The following SLC10A1 variants were observed in gnomAD, a reference collection of about 807,000 sequenced individuals.
SLC10A1 encodes hepatic sodium/bile acid cotransporter.
Under a neutral mutation model 20.5 loss-of-function variants are expected in SLC10A1, and 36 were observed. The ratio of observed to expected loss-of-function variants is 1.75; its 90% CI spans 1.34 to 2.32. The LOEUF (loss-of-function observed/expected upper bound fraction) is 2.32, where lower values mean the gene tolerates loss of function less well. Among genes scored for constraint, SLC10A1 ranks in the 30% most tolerant of loss-of-function variants. The pLI, the probability that SLC10A1 is intolerant of heterozygous loss-of-function variation, is 0.00. For missense variants in SLC10A1, 545 were observed against 439.1 expected (o/e 1.24, Z -2.16); for synonymous variants, 188 against 163.6 (o/e 1.15, Z -1.14).
At position 69,778,539 on chromosome 14, in the gene SLC10A1, T is replaced by G. The variant is rs200498007; in HGVS notation, c.747-10A>C. On this transcript the variant is annotated splice_polypyrimidine_tract_variant and intron_variant, in intron 3 of 4. Transcript: ENST00000216540. ...GACAGTGCGTCTGCACCTGTGCCGGTGAAGAAAACCCCACATACACTCAGA... is the reference window on the plus strand; with the variant it reads ...GACAGTGCGTCTGCACCTGTGCCGGGGAAGAAAACCCCACATACACTCAGA... 18 of 1,583,816 alleles carry G rather than the reference T, an allele frequency of 1.1e-5. No individual in the cohort carries two copies. The highest frequency in any genetic ancestry group is 1.5e-5 in the Non-Finnish European group (18 of 1,167,754).
chr14:69,796,631 C>A (rs751207955), intron 1 of SLC10A1, among the ~76,000 whole-genome samples, 169 bp downstream of exon 1: 2 of 152,228 alleles, frequency 1.3e-5, no homozygotes, highest in South Asian at 4.1e-4. Flanking sequence ...ACTCCTGCCC[C>A]CATCCCAGCA....
At position 69,776,164 on chromosome 14, in the gene SLC10A1, T is replaced by C; in HGVS notation, c.*118A>G. 1 of 726,394 alleles carries C rather than the reference T, an allele frequency of 1.4e-6. No homozygotes were observed. Among genetic ancestry groups the C allele is most frequent in the East Asian group, 2.5e-5 (1 of 39,882 alleles). 45.0% of individuals were successfully genotyped at this position (726,394 alleles called of 1,614,324 possible). A position where few individuals can be genotyped will look rare whatever the true frequency, so the allele number is the denominator to read the frequency against. On this transcript the variant is annotated 3_prime_UTR_variant, in exon 5 of 5. Coordinates refer to ENST00000216540, the MANE Select transcript of SLC10A1 (RefSeq NM_003049.4). ...CAAGACTTGATGATTCTGATAGATG[T>C]ACTGGAAATGCTGGAGAAAGACTCA...
intron 1 of SLC10A1, among the ~76,000 whole-genome samples, chr14:69,795,149 C>A (rs565338045): frequency 2.4e-4 from 37 of 152,304 alleles, no homozygotes; most frequent in African/African-American, 7.7e-4. Flanking sequence ...AAGCCAGATC[C>A]AAGACCAAGG....
rs1243613781 is a variant in SLC10A1 at position 69,776,215 on chromosome 14, T to G, written c.*67A>C. On this transcript the variant is annotated 3_prime_UTR_variant, in exon 5 of 5. Coordinates refer to ENST00000216540, the MANE Select transcript of SLC10A1 (RefSeq NM_003049.4). Reference sequence around the variant, plus strand: ...GGCAAGACTGGTGTTTTTGCTGCTCTCTCTAGTTTACCACACTGGCTTTCA... The same window carrying G: ...GGCAAGACTGGTGTTTTTGCTGCTCGCTCTAGTTTACCACACTGGCTTTCA... The G allele has an allele frequency of 1.2e-5, 14 of 1,145,686 alleles. No homozygotes were observed. The highest frequency in any genetic ancestry group is 1.9e-5 in the Admixed American group (1 of 51,490). The allele number at this position is 1,145,686 out of a possible 1,614,324, so 71.0% of individuals were successfully genotyped here. A position where few individuals can be genotyped will look rare whatever the true frequency, so the allele number is the denominator to read the frequency against.
intron 1 of SLC10A1, among the ~76,000 whole-genome samples, chr14:69,793,059 A>G (rs923644122): frequency 9.9e-5 from 15 of 152,198 alleles, no homozygotes; most frequent in African/African-American, 3.6e-4. Flanking sequence ...GGGGGTTTCA[A>G]TGCTACTGTT....
At chr14:69,779,985 A>G (rs1438296223) in intron 2 of SLC10A1, among the ~76,000 whole-genome samples, 1 of 152,230 alleles carries the variant, frequency 6.6e-6, no homozygotes, top group Non-Finnish European at 1.5e-5. Context: ...TTTAGGATCA[A>G]TTCTGGAAAT....
intron 1 of SLC10A1, among the ~76,000 whole-genome samples, chr14:69,790,430 CAAAAAT>C (rs1176775824): frequency 2.0e-5 from 3 of 151,550 alleles, no homozygotes; most frequent in African/African-American, 7.3e-5. Context: ...AACATAGAAA[CAAAAAT>C]AATAAAATAT....
chr14:69,788,583 C>T (rs989165760), intron 1 of SLC10A1, among the ~76,000 whole-genome samples: 5 of 148,744 alleles, frequency 3.4e-5, no homozygotes, highest in African/African-American at 1.2e-4. Flanking sequence ...CTTGCTCTGT[C>T]GCCCAGGCTG....
chr14:69,783,445 G>A (rs1883643738), intron 2 of SLC10A1, among the ~76,000 whole-genome samples: 1 of 152,194 alleles, frequency 6.6e-6, no homozygotes, highest in South Asian at 2.1e-4. Flanking sequence ...AAGGCTTCCT[G>A]GGGGAGGCGC....
At chr14:69,785,688 C>G (rs188577301) in intron 2 of SLC10A1, among the ~76,000 whole-genome samples, 9 of 151,602 alleles carry the variant, frequency 5.9e-5, no homozygotes, top group Admixed American at 5.9e-4. Context: ...CCCCTGCCCT[C>G]CCTGGTTCAA....
rs202007233 is a variant in SLC10A1 at position 69,786,152 on chromosome 14, G to A, written c.512C>T (p.Thr171Ile). Residue 171 changes from threonine (T) to isoleucine (I), a missense_variant, in exon 2 of 5, where the codon ACC (threonine) becomes ATC (isoleucine). Transcript: ENST00000216540. ...TTTGGATTTGAGGACGATCCCTATG[G>A]TGCAAGGAATGAGAACCAGGACCAG... ...ISLVLVLIPCTIGIVLKSKRP... is the reference protein window; with the variant it reads ...ISLVLVLIPCIIGIVLKSKRP... 60 of 1,614,090 alleles carry A rather than the reference G, an allele frequency of 3.7e-5. No individual in the cohort carries two copies. The Middle Eastern group carries it at 6.6e-4, about 18-fold the overall frequency.
At chr14:69,780,260 T>C (rs555832357) in intron 2 of SLC10A1, among the ~76,000 whole-genome samples, 1 of 152,366 alleles carries the variant, frequency 6.6e-6, no homozygotes, top group South Asian at 2.1e-4. Flanking sequence ...CCTTTCAAAG[T>C]GCATGTGCAC....
chr14:69,794,433 C>G (rs1882345096), intron 1 of SLC10A1, among the ~76,000 whole-genome samples: 1 of 152,110 alleles, frequency 6.6e-6, no homozygotes, highest in African/African-American at 2.4e-5. Flanking sequence ...AGACCTGGAG[C>G]CAATGTATTG....
At chr14:69,792,457 G>A (rs1359275007) in intron 1 of SLC10A1, among the ~76,000 whole-genome samples, 1 of 152,192 alleles carries the variant, frequency 6.6e-6, no homozygotes, top group East Asian at 1.9e-4. Flanking sequence ...TGGAAATGTG[G>A]TAGGCCTCCC....
chr14:69,779,598 T>G (rs1242311190), intron 2 of SLC10A1, among the ~76,000 whole-genome samples: 8 of 152,206 alleles, frequency 5.3e-5, no homozygotes, highest in African/African-American at 1.9e-4. Flanking sequence ...TCCTGGACTC[T>G]TAGCGGTCCT....
intron 1 of SLC10A1, among the ~76,000 whole-genome samples, chr14:69,788,837 C>T (rs571859523): frequency 1.6e-4 from 25 of 152,198 alleles, no homozygotes; most frequent in Admixed American, 3.3e-4. Context: ...TGAGCCACCG[C>T]GCCCGGCCAA....
In SLC10A1 at chr14:69,790,983, CAAAT is replaced by C. The variant is rs571881717; in HGVS notation, c.357-4680_357-4677del. Among the ~76,000 whole-genome samples the C allele has an allele frequency of 2.3e-3, 356 of 151,882 alleles. 3 individuals are homozygous for C. The highest frequency in any genetic ancestry group is 7.8e-3 in the African/African-American group (324 of 41,468). ...TCAATTGGGTCTGATATACTAGAAA[CAAAT>C]ATATATATATTTTAAAAGACACCAT... On this transcript the variant is annotated intron_variant, in intron 1 of 4. Coordinates refer to ENST00000216540, the MANE Select transcript of SLC10A1 (RefSeq NM_003049.4).
chr14:69,778,532 G>C lies in SLC10A1; in HGVS notation c.747-3C>G. On this transcript the variant is annotated splice_polypyrimidine_tract_variant and splice_region_variant and intron_variant, in intron 3 of 4. Transcript: ENST00000216540. ...CCATGCTGACAGTGCGTCTGCACCT[G>C]TGCCGGTGAAGAAAACCCCACATAC... The C allele has an allele frequency of 3.8e-6, 6 of 1,589,140 alleles. No individual in the cohort carries two copies. In the South Asian group the frequency reaches 6.9e-5, roughly 18 times the overall value.
rs566624412 is a variant in SLC10A1, at chr14:69,783,270, TAA to T, written c.567+2825_567+2826del. ...GTGATAGGTGCTGTGGATTCAGTGT[TAA>T]TTAAGACAGCCTTATGGTCTTGCTT... On this transcript the variant is annotated intron_variant, in intron 2 of 4. Transcript: ENST00000216540. Among the ~76,000 whole-genome samples, 387 of 151,058 alleles carry T rather than the reference TAA, an allele frequency of 2.6e-3. 3 individuals are homozygous for T. The highest frequency in any genetic ancestry group is 7.4e-3 in the African/African-American group (297 of 40,326).
Sources: allele counts gnomAD v4.1 joint callset (sites outside exome capture counted in the v4.1 genomes callset), GRCh38; gene constraint gnomAD v4.1.1; transcripts MANE v1.5; gene names NCBI Gene and HGNC (gene_info 2026-07-23, HGNC 2026-07-21).